SMG9: variants seen among roughly 807,000 people sequenced by gnomAD.
SMG9 encodes nonsense-mediated mRNA decay factor SMG9.
A neutral mutation model predicts 64.0 loss-of-function variants in SMG9; 55 were observed. The ratio of observed to expected loss-of-function variants is 0.86; its 90% CI spans 0.69 to 1.08. The LOEUF (loss-of-function observed/expected upper bound fraction) is 1.08. Ranked by LOEUF, SMG9 falls within the 50% of genes least tolerant of loss-of-function variation. The probability of loss-of-function intolerance (pLI) is 0.00; values close to 1 mark genes in which losing one functional copy is unlikely to be tolerated. For missense variants in SMG9, 554 were observed against 681.3 expected, an observed-to-expected ratio of 0.81 and a Z score of 2.08; for synonymous variants, 244 against 254.8, an observed-to-expected ratio of 0.96 and a Z score of 0.41.
rs372199501 is a variant in SMG9, at chr19:43,740,096, G to A, written c.813+11C>T. The A allele has an allele frequency of 3.4e-5, 54 of 1,584,500 alleles. No individual in the cohort carries two copies. The African/African-American group carries it at 4.0e-4, about 12-fold the overall frequency. On this transcript the variant is annotated intron_variant, in intron 7 of 13. Coordinates refer to ENST00000270066, the MANE Select transcript of SMG9 (RefSeq NM_019108.4). ...GTGGCAGGGTGGGGCAAAGGCAGGC[G>A]GGGCTGGCACCTGTGTGTCCAGGAA... is the stretch of plus-strand genomic sequence containing the variant.
At chr19:43,751,577 T>A (rs1215881126) in intron 1 of SMG9, among the ~76,000 whole-genome samples, 1 of 152,252 alleles carries the variant, frequency 6.6e-6, no homozygotes, top group Non-Finnish European at 1.5e-5. Flanking sequence ...AAACTTCTCA[T>A]CCTTGTTTGC....
intron 1 of SMG9, among the ~76,000 whole-genome samples, chr19:43,751,131 CTTCCT>C (rs1379929073): frequency 6.6e-6 from 1 of 151,628 alleles, no homozygotes; most frequent in Non-Finnish European, 1.5e-5. Flanking sequence ...AACCAAGGCT[CTTCCT>C]TTCTTCTTTT....
intron 1 of SMG9, among the ~76,000 whole-genome samples, chr19:43,752,067 G>C (rs1969204611): frequency 6.6e-6 from 1 of 152,146 alleles, no homozygotes; most frequent in African/African-American, 2.4e-5. Context: ...TGTCATGGTG[G>C]GGCTCCAGCC....
intron 9 of SMG9, chr19:43,734,796 A>G (rs1968604528): frequency 3.9e-6 from 1 of 258,826 alleles, no homozygotes; most frequent in East Asian, 7.5e-5. Context: ...GCGTTCCCAC[A>G]CAACCCCTGC....
chr19:43,753,631 T>C (rs780379140), intron 1 of SMG9, among the ~76,000 whole-genome samples: 3 of 151,944 alleles, frequency 2.0e-5, no homozygotes, highest in Non-Finnish European at 4.4e-5. Context: ...GGGCTAAGTT[T>C]TGCATTTTCA....
At chr19:43,742,135 G>A (rs1314958393) in intron 6 of SMG9, among the ~76,000 whole-genome samples, 2 of 151,740 alleles carry the variant, frequency 1.3e-5, no homozygotes, top group Admixed American at 6.6e-5. Context: ...GTGACAAAGC[G>A]ACAATTGTCT....
In SMG9 at chr19:43,747,943, T is replaced by A. The variant is rs777126138; in HGVS notation, c.225+35A>T. ...CCATCAATGGGGGCAATCCCTTCCC[T>A]AACGGCTCCCCCTCCTCCCTCCTTC... On this transcript the variant is annotated intron_variant, in intron 3 of 13. Coordinates refer to ENST00000270066, the MANE Select transcript of SMG9 (RefSeq NM_019108.4). 2.2e-5 allele frequency: 35 copies of A among 1,614,064 alleles called. No homozygotes were observed. In the Admixed American group the frequency reaches 5.3e-4, roughly 25 times the overall value.
intron 7 of SMG9, 82 bp from the exon 8 acceptor site, chr19:43,738,299 C>T: frequency 8.0e-7 from 1 of 1,250,450 alleles, no homozygotes; most frequent in East Asian, 2.4e-5. Flanking sequence ...TATCTCAGGA[C>T]AAAACAAGGT....
At chr19:43,748,939 G>C (rs1407524784) in intron 2 of SMG9, 2 of 444,632 alleles carry the variant, frequency 4.5e-6, no homozygotes, top group Non-Finnish European at 9.0e-6. Flanking sequence ...AGGCTAGGAA[G>C]GGGGAGATGA....
chr19:43,733,452 C>T lies in SMG9; in HGVS notation c.1211G>A (p.Gly404Glu), dbSNP rs1162853006. 1 of 1,613,812 alleles carries T rather than the reference C, an allele frequency of 6.2e-7. No homozygotes were observed. The highest frequency in any genetic ancestry group is 1.7e-5 in the Admixed American group (1 of 60,002). ...LMAHSHLRYK[G>E]TLSMLQCNVF... ...ATTGCATTGTAACATGGACAGAGTT[C>T]CTGGAGGAGAAAACGCTTCAGCCTT... The change falls in exon 12 of 14, where the codon GGA becomes GAA. Residue 404 changes from glycine to glutamate, a missense_variant and splice_region_variant. Gly to Glu is a moderately conservative substitution (Grantham distance 98, BLOSUM62 -2). Coordinates refer to ENST00000270066, the MANE Select transcript of SMG9 (RefSeq NM_019108.4).
Position 43,728,631 on chromosome 19 carries a change from A to G in SMG9, c.*2965T>C, listed in dbSNP as rs1968375099. The G allele has an allele frequency of 6.6e-6, 1 of 152,266 alleles. No individual in the cohort carries two copies. The highest frequency in any genetic ancestry group is 2.4e-5 in the African/African-American group (1 of 41,468). 9.4% of individuals were successfully genotyped at this position (152,266 alleles called of 1,614,324 possible). On this transcript the variant is annotated 3_prime_UTR_variant, in exon 14 of 14. Transcript: ENST00000270066. Reference sequence around the variant, plus strand: ...TTGCAGACAAAACAGATGCCCAGCAAGCTTTAGCAACTTGTCCAATGCCAC... The same window carrying G: ...TTGCAGACAAAACAGATGCCCAGCAGGCTTTAGCAACTTGTCCAATGCCAC...
In SMG9 at chr19:43,731,481, C is replaced by G; in HGVS notation, c.*115G>C. 3 of 1,533,336 alleles carry G rather than the reference C, an allele frequency of 2.0e-6. No homozygotes were observed. The highest frequency in any genetic ancestry group is 2.6e-6 in the Non-Finnish European group (3 of 1,138,314). 95.0% of individuals were successfully genotyped at this position (1,533,336 alleles called of 1,614,324 possible). A position where few individuals can be genotyped will look rare whatever the true frequency, so the allele number is the denominator to read the frequency against. Reference sequence around the variant, plus strand: ...TCTCTGGGCCGGGAAGCCACGATCCCTCATCCATCAGGCCTGCTGCCGCTC... The same window carrying G: ...TCTCTGGGCCGGGAAGCCACGATCCGTCATCCATCAGGCCTGCTGCCGCTC... On this transcript the variant is annotated 3_prime_UTR_variant, in exon 14 of 14. Coordinates refer to ENST00000270066, the MANE Select transcript of SMG9 (RefSeq NM_019108.4).
chr19:43,743,137 T>G (rs565218486), intron 6 of SMG9, among the ~76,000 whole-genome samples: 1 of 151,788 alleles, frequency 6.6e-6, no homozygotes, highest in Non-Finnish European at 1.5e-5. Flanking sequence ...GAGTTGATAC[T>G]GAAGTCTACC....
chr19:43,735,972 G>C (rs1477422244), intron 9 of SMG9, among the ~76,000 whole-genome samples: 1 of 152,164 alleles, frequency 6.6e-6, no homozygotes, highest in Non-Finnish European at 1.5e-5. Flanking sequence ...CTAGTGCCCA[G>C]AACAGTGCCT....
chr19:43,750,709 G>A lies in SMG9; in HGVS notation c.33C>T (p.Leu11=), dbSNP rs759755454. Residue 11 remains leucine (L), a synonymous_variant, in exon 2 of 14, where the codon CTC becomes CTT. Transcript: ENST00000270066. Reference sequence around the variant, plus strand: ...ACCGTCGCCGCCGCTCTATCCCATAGAGTCCAGGCTGACTGTGTCCAGACT... The same window carrying A: ...ACCGTCGCCGCCGCTCTATCCCATAAAGTCCAGGCTGACTGTGTCCAGACT... MSESGHSQPG[L]YGIERRRRWK... The A allele has an allele frequency of 3.6e-5, 58 of 1,613,748 alleles. No homozygotes were observed. The highest frequency in any genetic ancestry group is 1.7e-5 in the Admixed American group (1 of 59,966).
At chr19:43,734,146 GGC>G in intron 10 of SMG9, 1 of 561,370 alleles carries the variant, frequency 1.8e-6, no homozygotes, top group South Asian at 2.3e-5. Context: ...GCAGACCTGG[GGC>G]CTGTCCCATT....
rs1968434549 is a variant in SMG9, at chr19:43,730,142, G to A, written c.*1454C>T. 6.6e-6 allele frequency: 1 copy of A among 152,300 alleles called. No homozygotes were observed. The highest frequency in any genetic ancestry group is 2.4e-5 in the African/African-American group (1 of 41,442). 9.4% of individuals were successfully genotyped at this position (152,300 alleles called of 1,614,324 possible). ...GATGCTTGAAAGCAGGAGGAAACCA[G>A]GGAGACAAATATGTGCCACGGGCGG... On this transcript the variant is annotated 3_prime_UTR_variant, in exon 14 of 14. Transcript: ENST00000270066.
chr19:43,740,266 C>T (rs757526385), intron 6 of SMG9, 48 bp from the exon 7 acceptor site: 32 of 1,324,412 alleles, frequency 2.4e-5, no homozygotes, highest in Non-Finnish European at 3.2e-5. Context: ...GGTTCTCAGC[C>T]TTGGATGCAT....
chr19:43,744,531 A>G (rs1968939404), intron 6 of SMG9, among the ~76,000 whole-genome samples: 1 of 141,072 alleles, frequency 7.1e-6, no homozygotes, highest in South Asian at 2.6e-4. Context: ...GACCTGTACC[A>G]TTTCCTGAGG....
Sources: gnomAD v4.1 joint callset for allele counts (sites outside exome capture counted in the v4.1 genomes callset) on GRCh38, gnomAD v4.1.1 for gene constraint, MANE v1.5 for transcripts, NCBI Gene and HGNC (gene_info 2026-07-23, HGNC 2026-07-21) for gene names.